The following ABLIM2 variants were observed in gnomAD, a reference collection of about 807,000 sequenced individuals.
ABLIM2 encodes the protein actin-binding LIM protein 2.
Under a neutral mutation model 97.7 loss-of-function variants are expected in ABLIM2, and 53 were observed. The ratio of observed to expected loss-of-function variants is 0.54; its 90% CI spans 0.44 to 0.68. The LOEUF is 0.68. Among genes scored for constraint, ABLIM2 ranks in the 30% least tolerant of loss-of-function variants. ABLIM2 has a pLI of 0.00. For missense variants in ABLIM2, 835 were observed against 867.2 expected, an observed-to-expected ratio of 0.96 and a Z score of 0.47; for synonymous variants, 361 against 345.8, an observed-to-expected ratio of 1.04 and a Z score of -0.49.
At chr4:8,045,372 C>CT in intron 8 of ABLIM2, 131 bp from the exon 9 acceptor site, 2 of 835,056 alleles carry the variant, frequency 2.4e-6, no homozygotes, top group Non-Finnish European at 4.0e-6. Context: ...GGGGCTGGGC[C>CT]GGGCACGGCG....
intron 6 of ABLIM2, among the ~76,000 whole-genome samples, chr4:8,062,169 A>G (rs371851549): frequency 1.5e-3 from 234 of 151,370 alleles, no homozygotes; most frequent in South Asian, 9.8e-3. Flanking sequence ...TGCCACCTCC[A>G]CTCGGGAGCT....
At chr4:8,091,341 A>AT (rs1554069145) in intron 3 of ABLIM2, among the ~76,000 whole-genome samples, 10 of 19,516 alleles carry the variant, frequency 5.1e-4, no homozygotes, top group African/African-American at 2.6e-3. Flanking sequence ...TATATATATA[A>AT]TATATATATA....
intron 16 of ABLIM2, chr4:8,007,365 C>T: frequency 2.0e-6 from 2 of 985,496 alleles, no homozygotes; most frequent in Non-Finnish European, 2.4e-6. Flanking sequence ...CCTCTCCCAG[C>T]CCCTGCTTCG....
At chr4:8,110,937 G>A (rs1194346708) in intron 1 of ABLIM2, among the ~76,000 whole-genome samples, 2 of 152,250 alleles carry the variant, frequency 1.3e-5, no homozygotes, top group Admixed American at 6.5e-5. Flanking sequence ...CCTCCCAAGA[G>A]GGTTCATTCC....
intron 6 of ABLIM2, among the ~76,000 whole-genome samples, chr4:8,070,013 T>C (rs1202171460): frequency 6.6e-6 from 1 of 152,154 alleles, no homozygotes; most frequent in African/African-American, 2.4e-5. Flanking sequence ...TGTCCTTTTG[T>C]GTGTTTGTGT....
chr4:8,116,567 A>G lies in ABLIM2; in HGVS notation c.11-9930T>C, dbSNP rs1376520263. Among the ~76,000 whole-genome samples, 3 of 152,216 alleles carry G rather than the reference A, an allele frequency of 2.0e-5. No individual in the cohort carries two copies. In the East Asian group the frequency reaches 5.8e-4, roughly 29 times the overall value. ...TGTCTGCAGACAAATGGCTCCATCT[A>G]TGTTGCACATCCGGGGACTATGGTT... On this transcript the variant is annotated intron_variant, in intron 1 of 20. Transcript: ENST00000447017.
intron 3 of ABLIM2, among the ~76,000 whole-genome samples, chr4:8,090,796 AT>A (rs35158436): frequency 0.55 from 83,705 of 150,842 alleles, 23,977 homozygotes; most frequent in Non-Finnish European, 0.64. Context: ...CACTCATGCT[AT>A]TTGCCAATAT....
In ABLIM2 at chr4:8,071,896, C is replaced by A. The variant is rs567598815; in HGVS notation, c.675+5732G>T. The A allele has an allele frequency of 1.0e-6, 1 of 985,482 alleles. No homozygotes were observed. Among genetic ancestry groups the A allele is most frequent in the Non-Finnish European group, 1.2e-6 (1 of 829,980 alleles). 61.0% of individuals were successfully genotyped at this position (985,482 alleles called of 1,614,324 possible). A position where few individuals can be genotyped will look rare whatever the true frequency, so the allele number is the denominator to read the frequency against. ...AACAGTCTGTCACCTGCTCCTGCTG[C>A]GCCCTGGGAGTCCACTGTCACCCAG... On this transcript the variant is annotated intron_variant, in intron 6 of 20. Transcript: ENST00000447017. The surrounding 1 kb of genome is among the most constrained non-coding windows in gnomAD (Gnocchi z 6.2).
Position 8,158,778 on chromosome 4 carries a change from CCGCCCGCCGGCTCCG to C in ABLIM2, c.-104_-90del. On this transcript the variant is annotated 5_prime_UTR_variant, in exon 1 of 21. Coordinates refer to ENST00000447017, the MANE Select transcript of ABLIM2 (RefSeq NM_001130083.2). The stretch of plus-strand genomic sequence containing the variant: ...GTGCCGCGCCCGCGCTATCCTCCGC[CCGCCCGCCGGCTCCG>C]CGCCCGCTCCTTGCGCACACGCCAG... 8.3e-7 allele frequency: 1 copy of C among 1,200,372 alleles called. No homozygotes were observed. Among genetic ancestry groups the C allele is most frequent in the Non-Finnish European group, 1.0e-6 (1 of 954,962 alleles). The allele number at this position is 1,200,372 out of a possible 1,614,324, so 74.4% of individuals were successfully genotyped here. A position where few individuals can be genotyped will look rare whatever the true frequency, so the allele number is the denominator to read the frequency against.
chr4:8,123,845 G>A lies in ABLIM2; in HGVS notation c.11-17208C>T, dbSNP rs541432034. Among the ~76,000 whole-genome samples the A allele has an allele frequency of 3.3e-5, 5 of 152,306 alleles. No individual in the cohort carries two copies. Among genetic ancestry groups the A allele is most frequent in the South Asian group, 2.1e-4 (1 of 4,830 alleles). ...CAAGAGGAGGGGCAGGAGGTGGCAC[G>A]GGGTGGGAGCCCTGCCTGGGATCCT... On this transcript the variant is annotated intron_variant, in intron 1 of 20. Transcript: ENST00000447017. The surrounding 1 kb of genome is among the most constrained non-coding windows in gnomAD (Gnocchi z 6.2).
intron 18 of ABLIM2, among the ~76,000 whole-genome samples, 159 bp downstream of exon 18, chr4:7,984,680 A>AAAGTCAGCT (rs1218848192): frequency 3.9e-5 from 6 of 152,240 alleles, no homozygotes; most frequent in African/African-American, 1.4e-4. Flanking sequence ...TGGCCAGGAG[A>AAAGTCAGCT]GGCAGGGAAA....
rs1810607167 is a variant in ABLIM2, at chr4:8,069,857, GT to G, written c.675+7770del. ...TCTGTGGGTGCCGTGTGTGTTTTCT[GT>G]GTGTCTGCGTTGTCGATGTCTGTGT... is the stretch of plus-strand genomic sequence containing the variant. On this transcript the variant is annotated intron_variant, in intron 6 of 20. Coordinates refer to ENST00000447017, the MANE Select transcript of ABLIM2 (RefSeq NM_001130083.2). This position sits in a 1 kb window ranked among gnomAD's most constrained non-coding sequence, Gnocchi z 4.2. Among the ~76,000 whole-genome samples the G allele has an allele frequency of 1.3e-5, 2 of 152,006 alleles. No individual in the cohort carries two copies. The highest frequency in any genetic ancestry group is 2.4e-5 in the African/African-American group (1 of 41,368).
intron 20 of ABLIM2, among the ~76,000 whole-genome samples, chr4:7,968,276 G>C (rs1724630389): frequency 6.6e-6 from 1 of 152,220 alleles, no homozygotes; most frequent in Admixed American, 6.5e-5. Flanking sequence ...GTTTTCTGTA[G>C]TTCTGCGACA....
rs1322473785 is a variant in ABLIM2, at chr4:8,124,140, C to A, written c.11-17503G>T. ...TATGACATCACAACCTAGAATAATT[C>A]ATCTATCTTCTCATAAGGCAGCACC... is the stretch of plus-strand genomic sequence containing the variant. On this transcript the variant is annotated intron_variant, in intron 1 of 20. Transcript: ENST00000447017. The surrounding 1 kb of genome is among the most constrained non-coding windows in gnomAD (Gnocchi z 6.1). Among the ~76,000 whole-genome samples the A allele has an allele frequency of 6.6e-6, 1 of 152,158 alleles. No individual in the cohort carries two copies. The highest frequency in any genetic ancestry group is 1.5e-5 in the Non-Finnish European group (1 of 68,028).
chr4:7,978,603 G>A (rs1735531960), intron 20 of ABLIM2, among the ~76,000 whole-genome samples: 1 of 152,148 alleles, frequency 6.6e-6, no homozygotes, highest in African/African-American at 2.4e-5. Context: ...ATTAACTCCA[G>A]CACCATTAGA....
chr4:8,029,920 C>T, intron 10 of ABLIM2, 144 bp from the exon 11 acceptor site: 1 of 1,171,420 alleles, frequency 8.5e-7, no homozygotes, highest in Non-Finnish European at 1.2e-6. Context: ...ATCTCCTGCA[C>T]CTGTCAGGGC....
intron 1 of ABLIM2, among the ~76,000 whole-genome samples, chr4:8,157,537 G>C (rs1311540716): frequency 6.6e-6 from 1 of 152,202 alleles, no homozygotes; most frequent in South Asian, 2.1e-4. Flanking sequence ...TGGATTGGAG[G>C]GGGAGGGAGA....
At chr4:8,011,867 G>A (rs1475593557) in intron 14 of ABLIM2, among the ~76,000 whole-genome samples, 1 of 151,862 alleles carries the variant, frequency 6.6e-6, no homozygotes, top group Non-Finnish European at 1.5e-5. Flanking sequence ...TTTTTTTTCT[G>A]GATACAGAAC....
chr4:8,038,075 C>T (rs75712911), intron 9 of ABLIM2, among the ~76,000 whole-genome samples: 1,604 of 152,340 alleles, frequency 0.011, 12 homozygotes, highest in Middle Eastern at 0.034. Flanking sequence ...TGCTGCTTCT[C>T]GATTCTGCCT....
Sources: gnomAD v4.1 joint callset for allele counts (sites outside exome capture counted in the v4.1 genomes callset) on GRCh38, gnomAD v4.1.1 for gene constraint, Gnocchi (gnomAD v3.1) non-coding constraint, MANE v1.5 for transcripts, NCBI Gene and HGNC (gene_info 2026-07-23, HGNC 2026-07-21) for gene names.